PHKB: variants seen among roughly 807,000 people sequenced by gnomAD.
PHKB encodes phosphorylase kinase regulatory subunit beta.
Under a neutral mutation model 152.1 loss-of-function variants are expected in PHKB, and 122 were observed. The ratio of observed to expected loss-of-function variants is 0.80; its 90% CI spans 0.69 to 0.93. The LOEUF (loss-of-function observed/expected upper bound fraction) is 0.93, where lower values mean the gene tolerates loss of function less well. Among genes scored for constraint, PHKB ranks in the 40% least tolerant of loss-of-function variants. PHKB has a pLI of 0.00. For missense variants in PHKB, 1,304 were observed against 1,328.4 expected (o/e 0.98, Z 0.29); for synonymous variants, 436 against 464.9 (o/e 0.94, Z 0.80).
intron 26 of PHKB, among the ~76,000 whole-genome samples, chr16:47,670,715 CTT>C (rs371412636): frequency 1.3e-5 from 2 of 152,132 alleles, no homozygotes; most frequent in Admixed American, 6.5e-5. Flanking sequence ...GTCTTGAACT[CTT>C]TACCTTTAGT....
intron 6 of PHKB, among the ~76,000 whole-genome samples, chr16:47,541,604 C>G (rs764154871): frequency 3.7e-4 from 56 of 152,168 alleles, no homozygotes; most frequent in Non-Finnish European, 7.2e-4. Context: ...CTAGTTTATA[C>G]TCCCATCAAC....
chr16:47,604,086 A>G (rs1972281903), intron 13 of PHKB, among the ~76,000 whole-genome samples: 1 of 152,166 alleles, frequency 6.6e-6, no homozygotes, highest in African/African-American at 2.4e-5. Context: ...AAGATAATAA[A>G]TTGAGTCTTG....
At chr16:47,636,968 C>T (rs377152933) in intron 14 of PHKB, among the ~76,000 whole-genome samples, 2 of 152,144 alleles carry the variant, frequency 1.3e-5, no homozygotes, top group Admixed American at 6.5e-5. Context: ...GATCAGCATG[C>T]GCTTCCTCCC....
chr16:47,547,354 A>C (rs1391294298), intron 6 of PHKB, 79 bp from the exon 7 acceptor site: 3 of 843,234 alleles, frequency 3.6e-6, no homozygotes, highest in Non-Finnish European at 6.0e-6. Flanking sequence ...AATTGCTGGG[A>C]TTACAGGCAT....
At chr16:47,464,842 T>C (rs1211269145) in intron 1 of PHKB, among the ~76,000 whole-genome samples, 1 of 152,230 alleles carries the variant, frequency 6.6e-6, no homozygotes, top group African/African-American at 2.4e-5. Flanking sequence ...AGAAGCCTGC[T>C]GGTAAGAGAT....
chr16:47,579,409 G>A (rs1436389169), intron 7 of PHKB, among the ~76,000 whole-genome samples: 2 of 152,138 alleles, frequency 1.3e-5, no homozygotes, highest in Non-Finnish European at 2.9e-5. Context: ...ATGGGAACTA[G>A]CATTTCTAAC....
intron 25 of PHKB, 130 bp from the exon 26 acceptor site, chr16:47,669,085 T>A: frequency 1.5e-6 from 1 of 685,468 alleles, no homozygotes. Context: ...CCAGGAACAG[T>A]TATTCTACCT....
intron 26 of PHKB, among the ~76,000 whole-genome samples, chr16:47,679,192 A>C (rs1277290208): frequency 1.3e-5 from 2 of 152,182 alleles, no homozygotes; most frequent in Non-Finnish European, 2.9e-5. Context: ...TATAGTTTGA[A>C]GCAGGTAGTG....
intron 4 of PHKB, among the ~76,000 whole-genome samples, chr16:47,507,990 T>C (rs189513690): frequency 1.2e-4 from 18 of 152,342 alleles, no homozygotes; most frequent in African/African-American, 3.8e-4. Flanking sequence ...AGCACATTAG[T>C]AGTGTTCATT....
intron 13 of PHKB, among the ~76,000 whole-genome samples, chr16:47,597,208 A>G (rs1037921887): frequency 1.3e-5 from 2 of 152,312 alleles, no homozygotes; most frequent in African/African-American, 4.8e-5. Flanking sequence ...GGCAAAATAT[A>G]TTGAAATAGG....
intron 23 of PHKB, among the ~76,000 whole-genome samples, chr16:47,662,854 G>A (rs762188911): frequency 2.6e-5 from 4 of 152,010 alleles, no homozygotes; most frequent in Non-Finnish European, 5.9e-5. Flanking sequence ...CTAGAATTCA[G>A]AATGGCTGTT....
chr16:47,685,035 G>C (rs1426937759), intron 26 of PHKB, among the ~76,000 whole-genome samples: 1 of 152,062 alleles, frequency 6.6e-6, no homozygotes, highest in Non-Finnish European at 1.5e-5. Flanking sequence ...TCATTATTTT[G>C]ACCTTCCACA....
At chr16:47,616,665 AT>A (rs1476594858) in intron 14 of PHKB, among the ~76,000 whole-genome samples, 1 of 147,452 alleles carries the variant, frequency 6.8e-6, no homozygotes, top group Non-Finnish European at 1.5e-5. Flanking sequence ...ATATATTAAT[AT>A]ATAATATTTT....
Position 47,461,445 on chromosome 16 carries a change from C to A in PHKB, c.76+19C>A. On this transcript the variant is annotated intron_variant, in intron 1 of 30. Transcript: ENST00000323584. ...CGCTCAGGTTTGGCTGGCTGGGGCG[C>A]CGCCCCCCACCCGAGTACCTTGGGT... 6.2e-7 allele frequency: 1 copy of A among 1,611,406 alleles called. No individual in the cohort carries two copies.
At chr16:47,556,830 C>T (rs1018447920) in intron 7 of PHKB, among the ~76,000 whole-genome samples, 27 of 152,260 alleles carry the variant, frequency 1.8e-4, no homozygotes, top group Non-Finnish European at 2.9e-4. Context: ...ATTGGAATAG[C>T]TTCAGAAGGA....
In PHKB at chr16:47,592,325, G is replaced by A. The variant is rs150487628; in HGVS notation, c.1069-1175G>A. 5.9e-5 allele frequency among the ~76,000 whole-genome samples: 9 copies of A among 152,288 alleles called. No individual in the cohort carries two copies. The East Asian group carries it at 1.3e-3, about 23-fold the overall frequency. On this transcript the variant is annotated intron_variant, in intron 10 of 30. Transcript: ENST00000323584. ...CTTTTATTTCCAGACCAAAGTCTTA[G>A]CTACTTAGCATGACCTGCAAGGCCC...
At chr16:47,537,874 C>A (rs1970979334) in intron 6 of PHKB, among the ~76,000 whole-genome samples, 1 of 130,072 alleles carries the variant, frequency 7.7e-6, no homozygotes, top group South Asian at 2.3e-4. Flanking sequence ...GTGGAAAATT[C>A]TCTCTCTCTC....
intron 1 of PHKB, chr16:47,463,585 C>G (rs1298702843): frequency 1.0e-5 from 3 of 299,158 alleles, no homozygotes; most frequent in Non-Finnish European, 1.9e-5. Context: ...AGTATAGAGT[C>G]CTCCCCACAG....
intron 14 of PHKB, among the ~76,000 whole-genome samples, chr16:47,617,263 TA>T (rs1166754042): frequency 8.1e-5 from 12 of 148,036 alleles, no homozygotes; most frequent in African/African-American, 2.9e-4. Context: ...ATATATAATA[TA>T]AATTTTTTTA....
Sources: allele counts gnomAD v4.1 joint callset (sites outside exome capture counted in the v4.1 genomes callset), GRCh38; gene constraint gnomAD v4.1.1; transcripts MANE v1.5; gene names NCBI Gene and HGNC (gene_info 2026-07-23, HGNC 2026-07-21).